Variants in MAP3K13 observed in about 807,000 individuals in gnomAD.
The protein encoded by MAP3K13 is leucine zipper-bearing kinase.
A neutral mutation model predicts 104.0 loss-of-function variants in MAP3K13; 52 were observed. The ratio of observed to expected loss-of-function variants is 0.50; its 90% CI spans 0.40 to 0.63. MAP3K13 has a LOEUF of 0.63. Among genes scored for constraint, MAP3K13 ranks in the 20% least tolerant of loss-of-function variants. The pLI is 0.00. For synonymous variants in MAP3K13, 394 were observed against 442.2 expected (o/e 0.89, Z 1.37); for missense variants, 914 against 1,218.5 (o/e 0.75, Z 3.72).
At chr3:185,406,537 A>ACAAG (rs1204991131) in intron 1 of MAP3K13, among the ~76,000 whole-genome samples, 1 of 152,210 alleles carries the variant, frequency 6.6e-6, no homozygotes, top group Non-Finnish European at 1.5e-5. Flanking sequence ...GTCTGTAACC[A>ACAAG]CAGCCAAGCA....
chr3:185,379,797 T>C (rs1724615601), intron 1 of MAP3K13, among the ~76,000 whole-genome samples: 1 of 152,194 alleles, frequency 6.6e-6, no homozygotes, highest in African/African-American at 2.4e-5. Context: ...ACATCAACTC[T>C]GCAAGAGACC....
At chr3:185,441,854 C>T (rs1251422071) in intron 3 of MAP3K13, among the ~76,000 whole-genome samples, 1 of 152,006 alleles carries the variant, frequency 6.6e-6, no homozygotes, top group African/African-American at 2.4e-5. Flanking sequence ...CCAGCCTGAC[C>T]AATATGGTGA....
At chr3:185,448,240 T>C in intron 5 of MAP3K13, 1 of 428,342 alleles carries the variant, frequency 2.3e-6, no homozygotes, top group East Asian at 4.6e-5. Context: ...TCATTTAGTA[T>C]AGAAGTCTTT....
At chr3:185,465,705 C>T (rs199783243) in intron 8 of MAP3K13, 42 bp from the exon 9 acceptor site, 50 of 1,413,474 alleles carry the variant, frequency 3.5e-5, no homozygotes, top group African/African-American at 7.0e-5. Context: ...TTTTTTCTCC[C>T]GAAGTTGGTT....
intron 2 of MAP3K13, 91 bp from the exon 3 acceptor site, chr3:185,437,356 G>T: frequency 9.0e-7 from 1 of 1,109,876 alleles, no homozygotes; most frequent in East Asian, 2.4e-5. Context: ...GGGTCATCCT[G>T]GGTGACGATG....
intron 1 of MAP3K13, among the ~76,000 whole-genome samples, chr3:185,283,648 T>C (rs565711448): frequency 1.3e-5 from 2 of 152,242 alleles, no homozygotes; most frequent in Non-Finnish European, 2.9e-5. Context: ...CATTGTTGGT[T>C]TTTGTTAGTT....
chr3:185,339,274 G>A (rs935737217), intron 2 of MAP3K13, among the ~76,000 whole-genome samples: 2 of 152,122 alleles, frequency 1.3e-5, no homozygotes, highest in Non-Finnish European at 2.9e-5. Flanking sequence ...AGATGAGATC[G>A]TGCCACTGCA....
chr3:185,403,710 A>G (rs970684366), intron 1 of MAP3K13, among the ~76,000 whole-genome samples: 1 of 152,226 alleles, frequency 6.6e-6, no homozygotes. Context: ...TCTTTCCTCT[A>G]TGGTTTTATT....
rs1718761262 is a variant in MAP3K13 at position 185,487,238 on chromosome 3, C to G, written c.*4782C>G. 1 of 152,196 alleles carries G rather than the reference C, an allele frequency of 6.6e-6. No individual in the cohort carries two copies. Among genetic ancestry groups the G allele is most frequent in the Non-Finnish European group, 1.5e-5 (1 of 68,186 alleles). 9.4% of individuals were successfully genotyped at this position (152,196 alleles called of 1,614,324 possible). On this transcript the variant is annotated 3_prime_UTR_variant, in exon 14 of 14. Transcript: ENST00000265026. ...GGAGTACAGTGGCATGATTATGGCT[C>G]ACTGCAGCCTCAACCTCCTGGGCTC... is the stretch of plus-strand genomic sequence containing the variant.
intron 7 of MAP3K13, among the ~76,000 whole-genome samples, chr3:185,454,404 A>C (rs1716148335): frequency 4.2e-5 from 1 of 23,980 alleles, no homozygotes; most frequent in East Asian, 8.2e-4. Flanking sequence ...TATGAGATAT[A>C]TATATGAGAT....
At chr3:185,290,810 G>C (rs1424086055) in intron 2 of MAP3K13, among the ~76,000 whole-genome samples, 1 of 152,110 alleles carries the variant, frequency 6.6e-6, no homozygotes, top group Non-Finnish European at 1.5e-5. Context: ...GTAAATATTA[G>C]CTGCTATTAT....
At chr3:185,374,560 T>C (rs1426045556) in intron 1 of MAP3K13, among the ~76,000 whole-genome samples, 1 of 151,972 alleles carries the variant, frequency 6.6e-6, no homozygotes, top group Admixed American at 6.6e-5. Flanking sequence ...GAAAAACAGG[T>C]ATTAAAGGAC....
intron 1 of MAP3K13, among the ~76,000 whole-genome samples, chr3:185,375,647 GGGATACAAGTT>G (rs1218826451): frequency 6.6e-6 from 1 of 152,178 alleles, no homozygotes; most frequent in Non-Finnish European, 1.5e-5. Context: ...ACTGCCGTGA[GGGATACAAGTT>G]GGAACGCTAG....
intron 1 of MAP3K13, among the ~76,000 whole-genome samples, chr3:185,415,480 T>G (rs536515374): frequency 2.2e-4 from 33 of 151,936 alleles, no homozygotes; most frequent in Middle Eastern, 3.4e-3. Flanking sequence ...TTCTTATGTT[T>G]AAAGCATAAG....
chr3:185,470,744 C>T (rs1717726987), intron 10 of MAP3K13, among the ~76,000 whole-genome samples: 1 of 152,168 alleles, frequency 6.6e-6, no homozygotes. Flanking sequence ...AACATAACAT[C>T]ATCAAACATG....
chr3:185,308,236 C>G (rs577055999), intron 2 of MAP3K13, among the ~76,000 whole-genome samples: 1 of 152,078 alleles, frequency 6.6e-6, no homozygotes, highest in South Asian at 2.1e-4. Flanking sequence ...GTTGTATCTC[C>G]TCTGAACTGT....
chr3:185,302,933 T>C (rs1340074873), intron 2 of MAP3K13, among the ~76,000 whole-genome samples: 1 of 152,224 alleles, frequency 6.6e-6, no homozygotes, highest in East Asian at 1.9e-4. Context: ...GGGAAAGTTT[T>C]CAGTATTTCA....
chr3:185,331,776 A>C (rs1722292859), intron 2 of MAP3K13, among the ~76,000 whole-genome samples: 1 of 152,200 alleles, frequency 6.6e-6, no homozygotes, highest in Non-Finnish European at 1.5e-5. Context: ...AGGGTCCCCA[A>C]ACCACGGCTA....
chr3:185,376,128 A>G (rs1724416819), intron 1 of MAP3K13, among the ~76,000 whole-genome samples: 1 of 152,040 alleles, frequency 6.6e-6, no homozygotes, highest in African/African-American at 2.4e-5. Flanking sequence ...GGGGAAATGG[A>G]GTGGATGTCA....
Sources: gnomAD v4.1 joint callset for allele counts (sites outside exome capture counted in the v4.1 genomes callset) on GRCh38, gnomAD v4.1.1 for gene constraint, MANE v1.5 for transcripts, NCBI Gene and HGNC (gene_info 2026-07-23, HGNC 2026-07-21) for gene names.